Variants in CDH8 observed in about 807,000 individuals in gnomAD.
CDH8 encodes the protein cadherin 8.
A neutral mutation model predicts 68.1 loss-of-function variants in CDH8; 17 were observed. The observed-to-expected ratio is 0.25, with a 90% CI of 0.17 to 0.37. CDH8 has a LOEUF of 0.37. Among genes scored for constraint, CDH8 ranks in the 10% least tolerant of loss-of-function variants. CDH8 has a pLI of 1.00. For synonymous variants in CDH8, 372 were observed against 365.1 expected (o/e 1.02, Z -0.21); for missense variants, 763 against 999.3 (o/e 0.76, Z 3.19).
At chr16:61,797,758 T>C (rs1961531892) in intron 7 of CDH8, among the ~76,000 whole-genome samples, 1 of 152,116 alleles carries the variant, frequency 6.6e-6, no homozygotes, top group Non-Finnish European at 1.5e-5. Flanking sequence ...GTGTGAGGGC[T>C]CTACATGGAA....
chr16:61,972,815 CT>C (rs889118528), intron 2 of CDH8, among the ~76,000 whole-genome samples: 1 of 152,080 alleles, frequency 6.6e-6, no homozygotes, highest in African/African-American at 2.4e-5. Flanking sequence ...GTGCCAGCAA[CT>C]ATTTTACCCA....
chr16:61,762,335 A>G (rs1960491779), intron 8 of CDH8, among the ~76,000 whole-genome samples: 1 of 152,208 alleles, frequency 6.6e-6, no homozygotes, highest in Admixed American at 6.5e-5. Context: ...CATTGGAAAA[A>G]CAACTATGTA....
At chr16:61,816,372 A>C (rs538368461) in intron 7 of CDH8, among the ~76,000 whole-genome samples, 1 of 152,320 alleles carries the variant, frequency 6.6e-6, no homozygotes, top group South Asian at 2.1e-4. Flanking sequence ...TTTTTTAAAA[A>C]ATCGAATAAA....
At chr16:62,011,249 A>G (rs1901805751) in intron 2 of CDH8, among the ~76,000 whole-genome samples, 1 of 152,164 alleles carries the variant, frequency 6.6e-6, no homozygotes, top group African/African-American at 2.4e-5. Context: ...ATTGTGGTAA[A>G]TGCATATAGA....
intron 8 of CDH8, among the ~76,000 whole-genome samples, chr16:61,787,416 G>T (rs1325486239): frequency 7.2e-6 from 1 of 138,068 alleles, no homozygotes; most frequent in Non-Finnish European, 1.5e-5. Flanking sequence ...AGTTAGAATG[G>T]CAATCATTAA....
intron 4 of CDH8, among the ~76,000 whole-genome samples, chr16:61,836,563 C>T (rs1010926174): frequency 1.3e-5 from 2 of 151,898 alleles, no homozygotes; most frequent in African/African-American, 4.8e-5. Context: ...AAGACAGAGA[C>T]AATAATTGCT....
intron 8 of CDH8, among the ~76,000 whole-genome samples, chr16:61,777,315 C>A (rs1260949746): frequency 1.3e-5 from 2 of 152,086 alleles, no homozygotes; most frequent in Non-Finnish European, 2.9e-5. Flanking sequence ...CTATGAGCTA[C>A]CAGTTAGCAG....
chr16:61,958,391 G>GA (rs1460417593), intron 2 of CDH8, among the ~76,000 whole-genome samples: 1 of 152,158 alleles, frequency 6.6e-6, no homozygotes, highest in Non-Finnish European at 1.5e-5. Context: ...AAACAAAGCA[G>GA]AACTACATCA....
chr16:61,965,958 A>C (rs1965244914), intron 2 of CDH8, among the ~76,000 whole-genome samples: 1 of 152,162 alleles, frequency 6.6e-6, no homozygotes, highest in Admixed American at 6.5e-5. Context: ...GTAACACCTT[A>C]TGCCTTGATC....
chr16:61,897,567 C>T (rs1413807180), intron 3 of CDH8, among the ~76,000 whole-genome samples: 1 of 152,186 alleles, frequency 6.6e-6, no homozygotes, highest in Non-Finnish European at 1.5e-5. Flanking sequence ...ACATGACTTA[C>T]ATACACAGAA....
intron 4 of CDH8, among the ~76,000 whole-genome samples, chr16:61,850,334 C>A (rs1178791195): frequency 6.6e-6 from 1 of 151,950 alleles, no homozygotes; most frequent in African/African-American, 2.4e-5. Context: ...GGGGAGGGCA[C>A]CAAATCATTC....
chr16:61,905,266 G>A (rs974471255), intron 2 of CDH8, among the ~76,000 whole-genome samples: 4 of 152,072 alleles, frequency 2.6e-5, no homozygotes, highest in Admixed American at 1.3e-4. Context: ...CCATTCATTC[G>A]ATAAACCCCA....
intron 2 of CDH8, among the ~76,000 whole-genome samples, chr16:61,901,767 G>T (rs1280403210): frequency 6.6e-6 from 1 of 152,134 alleles, no homozygotes; most frequent in Non-Finnish European, 1.5e-5. Context: ...AAATATATGT[G>T]TTATTTTCCA....
chr16:61,680,112 C>A (rs11644211), intron 10 of CDH8, among the ~76,000 whole-genome samples: 2 of 151,788 alleles, frequency 1.3e-5, no homozygotes, highest in African/African-American at 4.8e-5. Flanking sequence ...ATCCCTGCGT[C>A]ATTCTTGCCA....
At chr16:61,809,847 C>A (rs1460747640) in intron 7 of CDH8, among the ~76,000 whole-genome samples, 2 of 152,116 alleles carry the variant, frequency 1.3e-5, no homozygotes, top group Non-Finnish European at 2.9e-5. Flanking sequence ...TGCAATGCAC[C>A]TTAGCAACTC....
rs1965704938 is a variant in CDH8 at position 61,990,883 on chromosome 16, AAGAAGGAAGG to A, written c.252+30259_252+30268del. ...AGGGAGGGAGGGAAGGAAGGAAGGAAAGAAGGAAGGAGAAGGAAGGAAGGAAAAGGAAGGA... is the reference window on the plus strand; with the variant it reads ...AGGGAGGGAGGGAAGGAAGGAAGGAAAGAAGGAAGGAAGGAAAAGGAAGGA... On this transcript the variant is annotated intron_variant, in intron 2 of 11. Coordinates refer to ENST00000577390, the MANE Select transcript of CDH8 (RefSeq NM_001796.5). Among the ~76,000 whole-genome samples the A allele has an allele frequency of 4.6e-5, 7 of 150,946 alleles. No individual in the cohort carries two copies. In the South Asian group the frequency reaches 1.3e-3, roughly 27 times the overall value.
chr16:61,703,395 T>C (rs187730900), intron 10 of CDH8, among the ~76,000 whole-genome samples: 1 of 152,306 alleles, frequency 6.6e-6, no homozygotes, highest in Non-Finnish European at 1.5e-5. Context: ...TAGATAATTG[T>C]CTCTTACCCA....
chr16:61,763,869 T>A (rs185106210), intron 8 of CDH8, among the ~76,000 whole-genome samples: 2 of 152,240 alleles, frequency 1.3e-5, no homozygotes, highest in Admixed American at 1.3e-4. Flanking sequence ...TAAATAAGGT[T>A]ATACCTGTAA....
At chr16:61,686,124 C>A (rs1206345547) in intron 10 of CDH8, among the ~76,000 whole-genome samples, 1 of 151,960 alleles carries the variant, frequency 6.6e-6, no homozygotes. Flanking sequence ...AAGTCTTATT[C>A]ATGTTGAGAT....
Sources: gnomAD v4.1 joint callset for allele counts (sites outside exome capture counted in the v4.1 genomes callset) on GRCh38, gnomAD v4.1.1 for gene constraint, MANE v1.5 for transcripts, NCBI Gene and HGNC (gene_info 2026-07-23, HGNC 2026-07-21) for gene names.